Variants in CDH8 observed in about 807,000 individuals in gnomAD.
The protein encoded by CDH8 is cadherin-8.
Under a neutral mutation model 68.1 loss-of-function variants are expected in CDH8, and 17 were observed. The observed-to-expected ratio is 0.25, with a 90% CI of 0.17 to 0.37. The LOEUF (loss-of-function observed/expected upper bound fraction) is 0.37, where lower values mean the gene tolerates loss of function less well. CDH8 is among the 10% of genes least tolerant of loss of function. The pLI is 1.00. For synonymous variants in CDH8, 372 were observed against 365.1 expected, an observed-to-expected ratio of 1.02 and a Z score of -0.21; for missense variants, 763 against 999.3, an observed-to-expected ratio of 0.76 and a Z score of 3.19.
chr16:61,901,599 T>C, intron 2 of CDH8, 126 bp from the exon 3 acceptor site: 1 of 640,166 alleles, frequency 1.6e-6, no homozygotes, highest in Non-Finnish European at 2.7e-6. Context: ...TAATAGTAGC[T>C]GTACAAAGTG....
intron 7 of CDH8, among the ~76,000 whole-genome samples, chr16:61,809,570 G>A (rs534843467): frequency 1.2e-3 from 189 of 152,254 alleles, no homozygotes; most frequent in Non-Finnish European, 2.2e-3. Context: ...TGCACGTTCT[G>A]CACATGTATC....
intron 8 of CDH8, among the ~76,000 whole-genome samples, chr16:61,763,906 A>T (rs2142975430): frequency 6.6e-6 from 1 of 152,306 alleles, no homozygotes; most frequent in African/African-American, 2.4e-5. Flanking sequence ...TAATGGAGCA[A>T]GGCATACATT....
At chr16:61,904,004 C>T (rs1964024471) in intron 2 of CDH8, among the ~76,000 whole-genome samples, 2 of 152,066 alleles carry the variant, frequency 1.3e-5, no homozygotes, top group South Asian at 2.1e-4. Flanking sequence ...AGAAATTTCA[C>T]TTTTAGCTTA....
chr16:61,760,258 G>A (rs1386690503), intron 8 of CDH8, among the ~76,000 whole-genome samples: 2 of 151,692 alleles, frequency 1.3e-5, no homozygotes, highest in African/African-American at 4.8e-5. Context: ...AATTTGTTAT[G>A]AGATAAAATA....
intron 8 of CDH8, among the ~76,000 whole-genome samples, chr16:61,780,720 C>T (rs1490431850): frequency 6.6e-6 from 1 of 152,152 alleles, no homozygotes; most frequent in Non-Finnish European, 1.5e-5. Flanking sequence ...AAATAAACAT[C>T]ATGTGATGGG....
intron 10 of CDH8, among the ~76,000 whole-genome samples, chr16:61,710,315 C>A (rs116973391): frequency 1.3e-5 from 2 of 152,024 alleles, no homozygotes; most frequent in Non-Finnish European, 2.9e-5. Flanking sequence ...CTAGGCCACT[C>A]GGTTGAGACA....
At chr16:61,715,463 T>C (rs1332459687) in intron 9 of CDH8, among the ~76,000 whole-genome samples, 1 of 151,530 alleles carries the variant, frequency 6.6e-6, no homozygotes. Context: ...TTCTCATAGG[T>C]GTGTTTTGAT....
intron 3 of CDH8, among the ~76,000 whole-genome samples, chr16:61,858,335 A>T (rs1157996879): frequency 6.6e-6 from 1 of 152,184 alleles, no homozygotes; most frequent in Admixed American, 6.5e-5. Flanking sequence ...GCAAGAACAT[A>T]AACATAAGAA....
At chr16:61,696,167 G>A (rs1964321851) in intron 10 of CDH8, among the ~76,000 whole-genome samples, 1 of 152,118 alleles carries the variant, frequency 6.6e-6, no homozygotes, top group Non-Finnish European at 1.5e-5. Context: ...CCTCTGCTGA[G>A]GTCATTCACA....
intron 8 of CDH8, among the ~76,000 whole-genome samples, chr16:61,729,854 A>T (rs1043800658): frequency 6.6e-6 from 1 of 151,426 alleles, no homozygotes; most frequent in African/African-American, 2.4e-5. Context: ...TTCCTTAAAC[A>T]TTATTTTGCT....
chr16:62,017,256 T>C (rs1326642267), intron 2 of CDH8, among the ~76,000 whole-genome samples: 1 of 151,980 alleles, frequency 6.6e-6, no homozygotes, highest in Admixed American at 6.6e-5. Context: ...ATAATAAACA[T>C]AATAAGGTAT....
chr16:61,702,154 C>T (rs1331827225), intron 10 of CDH8, among the ~76,000 whole-genome samples: 9 of 152,076 alleles, frequency 5.9e-5, no homozygotes, highest in African/African-American at 4.8e-5. Context: ...AGGCGGATCA[C>T]GAGGTCAGGA....
intron 2 of CDH8, among the ~76,000 whole-genome samples, chr16:62,014,040 T>G (rs1901880312): frequency 1.3e-5 from 2 of 152,038 alleles, no homozygotes; most frequent in Admixed American, 6.6e-5. Flanking sequence ...TCTCACCTCA[T>G]CCCTTGGTAA....
At chr16:61,869,305 T>C (rs1170253889) in intron 3 of CDH8, among the ~76,000 whole-genome samples, 1 of 152,104 alleles carries the variant, frequency 6.6e-6, no homozygotes, top group East Asian at 1.9e-4. Context: ...AGAAACATTA[T>C]TGCCTAGACT....
At chr16:61,743,419 A>T in intron 8 of CDH8, 1 of 156,518 alleles carries the variant, frequency 6.4e-6, no homozygotes. Context: ...AGATCAGCCA[A>T]ATCAACCCTG....
intron 10 of CDH8, among the ~76,000 whole-genome samples, chr16:61,690,202 A>T (rs970076567): frequency 1.4e-4 from 22 of 151,952 alleles, no homozygotes; most frequent in Admixed American, 7.2e-4. Flanking sequence ...TAGCCTGCTG[A>T]CTCTTGAGGG....
At chr16:61,782,740 C>A (rs1482716019) in intron 8 of CDH8, among the ~76,000 whole-genome samples, 1 of 152,184 alleles carries the variant, frequency 6.6e-6, no homozygotes, top group Non-Finnish European at 1.5e-5. Flanking sequence ...AGCTGGAGAT[C>A]TGAGAACGGG....
chr16:61,697,497 AT>A (rs35190674), intron 10 of CDH8, among the ~76,000 whole-genome samples: 73,610 of 146,872 alleles, frequency 0.5, 19,510 homozygotes, highest in African/African-American at 0.71. Context: ...TTGGAGAGTT[AT>A]TTTTTTTTTT....
intron 3 of CDH8, among the ~76,000 whole-genome samples, chr16:61,891,984 A>C (rs897300967): frequency 6.6e-6 from 1 of 152,222 alleles, no homozygotes; most frequent in African/African-American, 2.4e-5. Context: ...TGTTAGGTTG[A>C]AGACAGTTTG....
Sources: gnomAD v4.1 joint callset for allele counts (sites outside exome capture counted in the v4.1 genomes callset) on GRCh38, gnomAD v4.1.1 for gene constraint, MANE v1.5 for transcripts, NCBI Gene and HGNC (gene_info 2026-07-23, HGNC 2026-07-21) for gene names.